DOCK7: variants seen among roughly 807,000 people sequenced by gnomAD.
DOCK7 encodes dedicator of cytokinesis 7.
DOCK7 carries 138 observed loss-of-function variants against 271.0 expected under a neutral mutation model. That is an observed-to-expected ratio of 0.51 (90% CI 0.44 to 0.59). The LOEUF is 0.59. DOCK7 is among the 20% of genes least tolerant of loss of function. The pLI is 0.00. For synonymous variants in DOCK7, 823 were observed against 876.1 expected (o/e 0.94, Z 1.07); for missense variants, 2,066 against 2,592.4 (o/e 0.80, Z 4.41).
intron 13 of DOCK7, among the ~76,000 whole-genome samples, chr1:62,619,612 A>G (rs1269005973): frequency 6.6e-6 from 1 of 152,190 alleles, no homozygotes; most frequent in Non-Finnish European, 1.5e-5. Context: ...CTCTCTCCAA[A>G]TATCTTAATA....
chr1:62,652,595 C>A (rs972544486), intron 4 of DOCK7, among the ~76,000 whole-genome samples: 9 of 152,222 alleles, frequency 5.9e-5, no homozygotes, highest in Middle Eastern at 3.4e-3. Context: ...AATGTTAATT[C>A]TCTTATCCTC....
chr1:62,673,832 T>G (rs1571980482), intron 1 of DOCK7, among the ~76,000 whole-genome samples: 1 of 152,006 alleles, frequency 6.6e-6, no homozygotes, highest in East Asian at 1.9e-4. Context: ...GCTTTTCCCT[T>G]TAGAGCAAGA....
In DOCK7 at chr1:62,505,802, C is replaced by G. The variant is rs373928701; in HGVS notation, c.4491G>C (p.Thr1497=). 7.5e-6 allele frequency: 12 copies of G among 1,608,614 alleles called. No individual in the cohort carries two copies. In the Admixed American group the frequency reaches 2.0e-4, roughly 27 times the overall value. The change falls in exon 36 of 50, where the codon ACG becomes ACC. Residue 1497 remains threonine, a synonymous_variant. Transcript: ENST00000635253. The part of the protein sequence containing the change: ...LEIVVQTVSV[T]ESKESILGGV... ...CACCAAGAATGCTCTCTTTGGATTC[C>G]GTTACAGAAACGGTCTGCAATTTAA... is the stretch of plus-strand genomic sequence containing the variant.
Position 62,579,741 on chromosome 1 carries a change from G to C in DOCK7, c.1872-775C>G, listed in dbSNP as rs185905458. 2.0e-4 allele frequency among the ~76,000 whole-genome samples: 29 copies of C among 145,292 alleles called. 1 individual carries two copies. Among genetic ancestry groups the C allele is most frequent in the Admixed American group, 6.9e-4 (10 of 14,412 alleles). On this transcript the variant is annotated intron_variant, in intron 16 of 49. Coordinates refer to ENST00000635253, the MANE Select transcript of DOCK7 (RefSeq NM_001367561.1). Reference sequence around the variant, plus strand: ...AAGATCAAGTTTTGCTCTATAGACTGTCTTATATCAACCATCTCACTGTTG... The same window carrying C: ...AAGATCAAGTTTTGCTCTATAGACTCTCTTATATCAACCATCTCACTGTTG...
At chr1:62,653,676 A>G in intron 4 of DOCK7, 49 bp downstream of exon 4, 1 of 1,217,004 alleles carries the variant, frequency 8.2e-7, no homozygotes. Context: ...TAATCCATTT[A>G]GAAATCTTAC....
intron 48 of DOCK7, among the ~76,000 whole-genome samples, chr1:62,466,499 T>C (rs535350717): frequency 6.6e-6 from 1 of 152,294 alleles, no homozygotes; most frequent in East Asian, 1.9e-4. Context: ...CATGGGTGCT[T>C]TGTCCATGAA....
At chr1:62,515,729 T>A (rs1644641850) in intron 31 of DOCK7, among the ~76,000 whole-genome samples, 2 of 152,326 alleles carry the variant, frequency 1.3e-5, no homozygotes, top group South Asian at 4.1e-4. Context: ...CAATGATTTT[T>A]AAATTTAATG....
At chr1:62,564,946 T>C (rs1646460785) in intron 18 of DOCK7, among the ~76,000 whole-genome samples, 1 of 152,152 alleles carries the variant, frequency 6.6e-6, no homozygotes, top group Admixed American at 6.5e-5. Flanking sequence ...CTAGAAAATC[T>C]AGAAGAAATG....
chr1:62,545,186 A>G (rs901561712), intron 22 of DOCK7, 147 bp from the exon 23 acceptor site: 10 of 597,190 alleles, frequency 1.7e-5, no homozygotes, highest in Non-Finnish European at 2.6e-5. Flanking sequence ...AGGCACCTAT[A>G]GAGTATTAGT....
intron 18 of DOCK7, among the ~76,000 whole-genome samples, chr1:62,575,747 T>C (rs767209980): frequency 2.0e-5 from 3 of 152,212 alleles, no homozygotes; most frequent in Admixed American, 6.5e-5. Context: ...AGCTATATTA[T>C]ATGTCTACAG....
chr1:62,539,518 T>C, intron 27 of DOCK7, 27 bp downstream of exon 27: 2 of 1,520,672 alleles, frequency 1.3e-6, no homozygotes, highest in African/African-American at 1.4e-5. Flanking sequence ...ATTATTTGAT[T>C]ACTAATTATT....
At chr1:62,474,172 GCT>G in intron 47 of DOCK7, 84 bp from the exon 48 acceptor site, 1 of 1,132,196 alleles carries the variant, frequency 8.8e-7, no homozygotes, top group African/African-American at 1.6e-5. Context: ...ATTTTTCTTA[GCT>G]CTGAGATGGC....
intron 25 of DOCK7, 86 bp downstream of exon 25, chr1:62,542,522 A>G: frequency 7.4e-7 from 1 of 1,346,532 alleles, no homozygotes; most frequent in Non-Finnish European, 1.0e-6. Context: ...TGCAACAGAA[A>G]AAGATTTCTA....
chr1:62,682,974 A>C (rs1196702212), intron 1 of DOCK7, among the ~76,000 whole-genome samples: 1 of 152,214 alleles, frequency 6.6e-6, no homozygotes, highest in Non-Finnish European at 1.5e-5. Flanking sequence ...TTCAGGCTCA[A>C]GGGAAAGATG....
chr1:62,483,959 T>C, intron 43 of DOCK7: 1 of 152,322 alleles, frequency 6.6e-6, no homozygotes, highest in East Asian at 1.9e-4. Flanking sequence ...TGCTCTATTC[T>C]TGAATTTTTA....
At chr1:62,577,698 G>T (rs1027235604) in intron 17 of DOCK7, among the ~76,000 whole-genome samples, 2 of 152,108 alleles carry the variant, frequency 1.3e-5, no homozygotes, top group African/African-American at 2.4e-5. Context: ...AATAGTGAAA[G>T]AAATAATTGA....
intron 33 of DOCK7, 41 bp downstream of exon 33, chr1:62,513,403 C>T (rs369918163): frequency 1.6e-4 from 246 of 1,543,280 alleles, no homozygotes; most frequent in Non-Finnish European, 2.1e-4. Context: ...CAACAATGAT[C>T]ATTACAATAT....
At chr1:62,494,641 A>T in intron 39 of DOCK7, 174 bp from the exon 40 acceptor site, 3 of 377,026 alleles carry the variant, frequency 8.0e-6, no homozygotes, top group Non-Finnish European at 9.3e-6. Context: ...ACTGTGGCCT[A>T]TGGAATGGAT....
rs12034731 is a variant in DOCK7, at chr1:62,622,087, T to C, written c.1426-2094A>G. 7.9e-5 allele frequency among the ~76,000 whole-genome samples: 12 copies of C among 152,348 alleles called. No homozygotes were observed. The East Asian group carries it at 2.3e-3, about 29-fold the overall frequency. ...AGGCTTGAAAAACATTTGCACAATT[T>C]AGTTTGCTCTCTCTCTTGAACTTTT... is the stretch of plus-strand genomic sequence containing the variant. On this transcript the variant is annotated intron_variant, in intron 12 of 49. Transcript: ENST00000635253.
Sources: allele counts gnomAD v4.1 joint callset (sites outside exome capture counted in the v4.1 genomes callset), GRCh38; gene constraint gnomAD v4.1.1; transcripts MANE v1.5; gene names NCBI Gene and HGNC (gene_info 2026-07-23, HGNC 2026-07-21).